MSRA: variants seen among roughly 807,000 people sequenced by gnomAD.
MSRA encodes mitochondrial peptide methionine sulfoxide reductase.
In MSRA, 54 loss-of-function variants were observed where a neutral mutation model predicts 31.3. That is an observed-to-expected ratio of 1.73 (90% confidence interval 1.39 to 2.17). The LOEUF (loss-of-function observed/expected upper bound fraction) is 2.17. MSRA is among the 30% of genes most tolerant of loss of function. MSRA has a pLI of 0.00. For synonymous variants in MSRA, 169 were observed against 116.5 expected, an observed-to-expected ratio of 1.45 and a Z score of -2.90; for missense variants, 507 against 300.9, an observed-to-expected ratio of 1.69 and a Z score of -5.07.
At chr8:10,416,372 C>T (rs1229982451) in intron 5 of MSRA, among the ~76,000 whole-genome samples, 1 of 152,156 alleles carries the variant, frequency 6.6e-6, no homozygotes, top group African/African-American at 2.4e-5. Flanking sequence ...GGTATCACAC[C>T]CCATGCCCGG....
At chr8:10,097,449 T>C (rs773571671) in intron 1 of MSRA, among the ~76,000 whole-genome samples, 7 of 152,172 alleles carry the variant, frequency 4.6e-5, no homozygotes, top group Non-Finnish European at 8.8e-5. Context: ...TTGAATTGAT[T>C]ACAGGATCAT....
At chr8:10,426,051 C>G (rs1341139106) in intron 5 of MSRA, among the ~76,000 whole-genome samples, 1 of 152,208 alleles carries the variant, frequency 6.6e-6, no homozygotes, top group African/African-American at 2.4e-5. Context: ...CCTGGCATCC[C>G]AAAGCCTTCC....
chr8:10,063,911 C>T (rs1373077375), intron 1 of MSRA, among the ~76,000 whole-genome samples: 2 of 152,220 alleles, frequency 1.3e-5, no homozygotes, highest in Admixed American at 6.5e-5. Flanking sequence ...CATCTTGGGG[C>T]TTTCAAGGCT....
At chr8:10,201,380 G>T (rs59980622) in intron 1 of MSRA, among the ~76,000 whole-genome samples, 1 of 152,148 alleles carries the variant, frequency 6.6e-6, no homozygotes, top group African/African-American at 2.4e-5. Flanking sequence ...CCAGTCCTGA[G>T]ATGATTTTGT....
At chr8:10,064,017 G>T (rs1273822218) in intron 1 of MSRA, among the ~76,000 whole-genome samples, 1 of 152,160 alleles carries the variant, frequency 6.6e-6, no homozygotes, top group Non-Finnish European at 1.5e-5. Flanking sequence ...TTGGGGCTCT[G>T]TTTTGTGCTT....
At chr8:10,416,422 A>G (rs1229178770) in intron 5 of MSRA, among the ~76,000 whole-genome samples, 1 of 152,216 alleles carries the variant, frequency 6.6e-6, no homozygotes, top group Non-Finnish European at 1.5e-5. Context: ...AAACGATTCC[A>G]TCGGGCCGTG....
chr8:10,341,007 G>T (rs1259780678), intron 5 of MSRA, among the ~76,000 whole-genome samples: 1 of 152,224 alleles, frequency 6.6e-6, no homozygotes, highest in African/African-American at 2.4e-5. Context: ...CAACTGATCA[G>T]ATCCTTAATT....
intron 1 of MSRA, among the ~76,000 whole-genome samples, chr8:10,162,801 G>T (rs1259719058): frequency 6.6e-6 from 1 of 152,128 alleles, no homozygotes; most frequent in Non-Finnish European, 1.5e-5. Context: ...GAAACCAAGG[G>T]TCACAGTGGC....
chr8:10,097,347 G>C (rs1249032452), intron 1 of MSRA, among the ~76,000 whole-genome samples: 1 of 152,036 alleles, frequency 6.6e-6, no homozygotes, highest in East Asian at 1.9e-4. Context: ...TATACACTAC[G>C]TCGCTGATAC....
chr8:10,321,465 T>C lies in MSRA; in HGVS notation c.543+1476T>C, dbSNP rs114216845. Among the ~76,000 whole-genome samples the C allele has an allele frequency of 9.8e-3, 1,485 of 152,122 alleles. 22 individuals carry two copies. Among genetic ancestry groups the C allele is most frequent in the African/African-American group, 0.035 (1,437 of 41,502 alleles). ...GGAGGCGCTGACAGAGCCCATTCCTTCCTTGGCCCCTCCCACCTCCCTCCC... is the reference window on the plus strand; with the variant it reads ...GGAGGCGCTGACAGAGCCCATTCCTCCCTTGGCCCCTCCCACCTCCCTCCC... On this transcript the variant is annotated intron_variant, in intron 5 of 5. Transcript: ENST00000317173.
chr8:10,239,374 A>T (rs1249611549), intron 2 of MSRA, among the ~76,000 whole-genome samples: 1 of 152,170 alleles, frequency 6.6e-6, no homozygotes, highest in East Asian at 1.9e-4. Context: ...ATTGGCCAGG[A>T]TGGCCTCGAT....
intron 2 of MSRA, among the ~76,000 whole-genome samples, chr8:10,244,115 A>T (rs1430322443): frequency 1.3e-5 from 2 of 152,088 alleles, no homozygotes; most frequent in African/African-American, 4.8e-5. Flanking sequence ...TAGGAGTGGG[A>T]GGTGTATAGT....
intron 5 of MSRA, among the ~76,000 whole-genome samples, chr8:10,371,562 A>G (rs1433288606): frequency 6.6e-6 from 1 of 152,192 alleles, no homozygotes; most frequent in African/African-American, 2.4e-5. Flanking sequence ...GGAAGGAAGA[A>G]GAGACATTGG....
chr8:10,183,453 A>G (rs1288060399), intron 1 of MSRA, among the ~76,000 whole-genome samples: 2 of 152,170 alleles, frequency 1.3e-5, no homozygotes, highest in Non-Finnish European at 2.9e-5. Flanking sequence ...GCAGAATCCT[A>G]CAACTAGGAG....
At chr8:10,392,217 C>G (rs1033611402) in intron 5 of MSRA, among the ~76,000 whole-genome samples, 5 of 152,218 alleles carry the variant, frequency 3.3e-5, no homozygotes, top group Non-Finnish European at 1.5e-5. Context: ...GCTGGCCAGA[C>G]TCCAGTGGAT....
intron 2 of MSRA, among the ~76,000 whole-genome samples, chr8:10,226,520 G>A (rs950422412): frequency 9.2e-5 from 14 of 152,136 alleles, no homozygotes; most frequent in Admixed American, 9.2e-4. Flanking sequence ...CTACTGCAGT[G>A]TCATGGTCAT....
rs1005500864 is a variant in MSRA, at chr8:10,092,160, C to A, written c.142+37502C>A. Among the ~76,000 whole-genome samples the A allele has an allele frequency of 5.3e-5, 8 of 152,108 alleles. No individual in the cohort carries two copies. The South Asian group carries it at 1.7e-3, about 32-fold the overall frequency. ...TTATTTCATTTATTTCCACTCTAGT[C>A]TTTATTATTTCTTCATTATTTAGGA... On this transcript the variant is annotated intron_variant, in intron 1 of 5. Coordinates refer to ENST00000317173, the MANE Select transcript of MSRA (RefSeq NM_012331.5).
chr8:10,170,165 C>T (rs1302815310), intron 1 of MSRA, among the ~76,000 whole-genome samples: 3 of 150,780 alleles, frequency 2.0e-5, no homozygotes, highest in East Asian at 3.9e-4. Flanking sequence ...GGATTACAGA[C>T]GTGAGCCACT....
At chr8:10,057,460 G>C (rs1802442225) in intron 1 of MSRA, among the ~76,000 whole-genome samples, 1 of 152,230 alleles carries the variant, frequency 6.6e-6, no homozygotes, top group Non-Finnish European at 1.5e-5. Flanking sequence ...CTTCCATTTT[G>C]TTAAGATGTG....
Sources: allele counts gnomAD v4.1 joint callset (sites outside exome capture counted in the v4.1 genomes callset), GRCh38; gene constraint gnomAD v4.1.1; transcripts MANE v1.5; gene names NCBI Gene and HGNC (gene_info 2026-07-23, HGNC 2026-07-21).